Variants in GRIN2A observed in about 807,000 individuals in gnomAD.
GRIN2A encodes glutamate receptor ionotropic, NMDA 2A.
A neutral mutation model predicts 113.4 loss-of-function variants in GRIN2A; 22 were observed. The ratio of observed to expected loss-of-function variants is 0.19; its 90% CI spans 0.14 to 0.28. The LOEUF (loss-of-function observed/expected upper bound fraction) is 0.28, where lower values mean the gene tolerates loss of function less well. Among genes scored for constraint, GRIN2A ranks in the 10% least tolerant of loss-of-function variants. The probability of loss-of-function intolerance (pLI) is 1.00; values close to 1 mark genes in which losing one functional copy is unlikely to be tolerated. For missense variants in GRIN2A, 1,502 were observed against 1,887.0 expected (o/e 0.80, Z 3.78); for synonymous variants, 827 against 738.4 (o/e 1.12, Z -1.94).
intron 2 of GRIN2A, chr16:10,112,265 C>T: frequency 1.6e-6 from 1 of 639,982 alleles, no homozygotes; most frequent in Non-Finnish European, 2.9e-6. Context: ...AGTACCTCCA[C>T]CTCCAGGTGA....
At chr16:9,938,587 C>G (rs766758845) in intron 2 of GRIN2A, 36 bp from the exon 3 acceptor site, 1 of 1,505,352 alleles carries the variant, frequency 6.6e-7, no homozygotes. Context: ...GAGGATGAGG[C>G]AGGAGGTGGT....
At chr16:10,025,056 GA>G (rs1276016556) in intron 2 of GRIN2A, among the ~76,000 whole-genome samples, 1 of 152,046 alleles carries the variant, frequency 6.6e-6, no homozygotes, top group Non-Finnish European at 1.5e-5. Flanking sequence ...GGATGATGGA[GA>G]GAGGAATCGA....
chr16:9,786,233 G>T (rs1368766418), intron 11 of GRIN2A, among the ~76,000 whole-genome samples: 1 of 152,170 alleles, frequency 6.6e-6, no homozygotes, highest in Non-Finnish European at 1.5e-5. Flanking sequence ...ACCTGGAGAG[G>T]CTGCTTTGCA....
intron 11 of GRIN2A, among the ~76,000 whole-genome samples, chr16:9,790,217 G>A (rs1902523209): frequency 6.6e-6 from 1 of 152,170 alleles, no homozygotes; most frequent in Non-Finnish European, 1.5e-5. Context: ...TACTTCTACT[G>A]CAGAGGTCAA....
chr16:9,927,954 T>C (rs1276741801), intron 3 of GRIN2A, among the ~76,000 whole-genome samples: 2 of 152,336 alleles, frequency 1.3e-5, no homozygotes, highest in East Asian at 1.9e-4. Flanking sequence ...ATGAAGCAGA[T>C]CCTCAGGAAG....
chr16:10,081,784 C>T (rs1465165054), intron 2 of GRIN2A, among the ~76,000 whole-genome samples: 1 of 152,176 alleles, frequency 6.6e-6, no homozygotes, highest in African/African-American at 2.4e-5. Context: ...AAATCTGATG[C>T]TCACTGGACC....
At chr16:9,937,502 A>C (rs1281453699) in intron 3 of GRIN2A, among the ~76,000 whole-genome samples, 3 of 152,152 alleles carry the variant, frequency 2.0e-5, no homozygotes, top group Non-Finnish European at 4.4e-5. Flanking sequence ...GTACCCACAA[A>C]ATTTTTTTAA....
chr16:9,988,883 A>G (rs1459735593), intron 2 of GRIN2A, among the ~76,000 whole-genome samples: 1 of 152,180 alleles, frequency 6.6e-6, no homozygotes, highest in East Asian at 1.9e-4. Flanking sequence ...CATGATAACC[A>G]GACAGGAGGA....
At chr16:9,782,076 G>A (rs923495112) in intron 11 of GRIN2A, among the ~76,000 whole-genome samples, 2 of 152,136 alleles carry the variant, frequency 1.3e-5, no homozygotes, top group African/African-American at 4.8e-5. Flanking sequence ...AAACAATTAT[G>A]TTAAAGTAGT....
intron 4 of GRIN2A, among the ~76,000 whole-genome samples, chr16:9,876,261 T>G (rs1044632818): frequency 5.3e-5 from 8 of 152,172 alleles, no homozygotes; most frequent in Admixed American, 1.3e-4. Flanking sequence ...CCCAGGCTTG[T>G]AAATATGTTC....
intron 3 of GRIN2A, among the ~76,000 whole-genome samples, chr16:9,891,613 A>G (rs2043696294): frequency 6.6e-6 from 1 of 152,226 alleles, no homozygotes; most frequent in Non-Finnish European, 1.5e-5. Flanking sequence ...ATAGTCATGA[A>G]TTGATTAAAC....
intron 4 of GRIN2A, among the ~76,000 whole-genome samples, chr16:9,884,598 A>G (rs2043552275): frequency 6.6e-6 from 1 of 151,948 alleles, no homozygotes; most frequent in Non-Finnish European, 1.5e-5. Context: ...TAACCCTAAA[A>G]TGGTAACCAG....
intron 3 of GRIN2A, among the ~76,000 whole-genome samples, chr16:9,899,377 T>C (rs561648345): frequency 1.5e-5 from 2 of 133,722 alleles, no homozygotes; most frequent in East Asian, 2.1e-4. Context: ...GAGGTGGAGG[T>C]TGTGGTGAGT....
intron 2 of GRIN2A, among the ~76,000 whole-genome samples, chr16:10,002,368 G>C (rs1409905593): frequency 1.3e-5 from 2 of 152,168 alleles, no homozygotes; most frequent in Non-Finnish European, 2.9e-5. Context: ...AGACATAATA[G>C]ATGAAACACC....
intron 2 of GRIN2A, among the ~76,000 whole-genome samples, chr16:10,099,060 C>G (rs747352167): frequency 9.2e-5 from 14 of 151,882 alleles, no homozygotes; most frequent in Non-Finnish European, 1.6e-4. Flanking sequence ...AGAAAATGCT[C>G]AAAAAAACCA....
intron 3 of GRIN2A, among the ~76,000 whole-genome samples, chr16:9,931,701 C>A (rs2044597939): frequency 6.6e-6 from 1 of 152,132 alleles, no homozygotes; most frequent in East Asian, 1.9e-4. Flanking sequence ...TAAAATGTGT[C>A]CCCTCCGCTG....
At chr16:9,784,923 T>C (rs1020233376) in intron 11 of GRIN2A, among the ~76,000 whole-genome samples, 177 of 152,240 alleles carry the variant, frequency 1.2e-3, no homozygotes, top group African/African-American at 4.1e-3. Flanking sequence ...ATGGCAATCA[T>C]TAAAAAGTCA....
rs533435224 is a variant in GRIN2A at position 10,024,423 on chromosome 16, T to C, written c.415-85872A>G. On this transcript the variant is annotated intron_variant, in intron 2 of 12. Transcript: ENST00000330684. Reference sequence around the variant, plus strand: ...TTAGTAGAGATGGGGTTTCACCATGTTAGCCAAGCTGGTCTCAAACTCCCA... The same window carrying C: ...TTAGTAGAGATGGGGTTTCACCATGCTAGCCAAGCTGGTCTCAAACTCCCA... 3.7e-4 allele frequency among the ~76,000 whole-genome samples: 56 copies of C among 152,342 alleles called. 1 individual carries two copies. Among genetic ancestry groups the C allele is most frequent in the Admixed American group, 8.5e-4 (13 of 15,304 alleles).
intron 2 of GRIN2A, among the ~76,000 whole-genome samples, chr16:10,079,196 C>A (rs2352744): frequency 0.48 from 72,457 of 152,070 alleles, 18,429 homozygotes; most frequent in East Asian, 0.92. Context: ...CTAGTAGGGA[C>A]TGGAGGAGAG....
Sources: gnomAD v4.1 joint callset for allele counts (sites outside exome capture counted in the v4.1 genomes callset) on GRCh38, gnomAD v4.1.1 for gene constraint, MANE v1.5 for transcripts, NCBI Gene and HGNC (gene_info 2026-07-23, HGNC 2026-07-21) for gene names.